Variants in TAF1 observed in about 807,000 individuals in gnomAD.
TAF1 encodes transcription initiation factor TFIID subunit 1.
In TAF1, 2 loss-of-function variants were observed where a neutral mutation model predicts 138.5. The observed-to-expected ratio is 0.01, with a 90% CI of 0.01 to 0.05. The LOEUF (loss-of-function observed/expected upper bound fraction) is 0.05. TAF1 is among the 10% of genes least tolerant of loss of function. The pLI is 1.00. For missense variants in TAF1, 709 were observed against 1,478.0 expected (o/e 0.48, Z 8.53); for synonymous variants, 437 against 503.2 (o/e 0.87, Z 1.76).
chrX:71,478,311 G>A (rs1295334422), intron 13 of TAF1, among the ~76,000 whole-genome samples: 1 of 110,427 alleles, frequency 9.1e-6, no homozygotes, highest in Non-Finnish European at 1.9e-5. Flanking sequence ...CCAAGATCAC[G>A]CCACTGCACT....
At chrX:71,375,336 A>C (rs1475644553) in intron 4 of TAF1, 50 bp downstream of exon 4, 1 of 1,182,516 alleles carries the variant, frequency 8.5e-7, no homozygotes, top group Admixed American at 2.4e-5. Context: ...TTCATTCCTA[A>C]GTCCAGGCTT....
intron 28 of TAF1, among the ~76,000 whole-genome samples, chrX:71,410,400 A>G (rs1179895844): frequency 1.9e-5 from 2 of 103,829 alleles, no homozygotes; most frequent in African/African-American, 6.9e-5. Flanking sequence ...CACATGTACT[A>G]AAAAAAAAAA....
intron 32 of TAF1, among the ~76,000 whole-genome samples, chrX:71,450,511 A>G (rs1478746642): frequency 8.9e-6 from 1 of 112,288 alleles, no homozygotes; most frequent in Non-Finnish European, 1.9e-5. Context: ...CCTGTGGTAT[A>G]TTTTTTATCC....
intron 13 of TAF1, among the ~76,000 whole-genome samples, chrX:71,482,370 T>C (rs771802032): frequency 1.8e-5 from 2 of 112,192 alleles, no homozygotes; most frequent in African/African-American, 6.5e-5. Context: ...ATATGGGTTA[T>C]TTTGGCAAAT....
chrX:71,385,882 C>T (rs766952201), intron 14 of TAF1, among the ~76,000 whole-genome samples: 8 of 111,555 alleles, frequency 7.2e-5, no homozygotes, highest in South Asian at 3.7e-4. Context: ...TTTTTCTGGC[C>T]GAGCGTGGTG....
chrX:71,441,359 A>G (rs1227414422), intron 32 of TAF1, among the ~76,000 whole-genome samples: 1 of 111,555 alleles, frequency 9.0e-6, no homozygotes, highest in Non-Finnish European at 1.9e-5. Flanking sequence ...GAAAAACAGC[A>G]TAAGAAATTT....
intron 13 of TAF1, among the ~76,000 whole-genome samples, chrX:71,500,806 T>C (rs1019399442): frequency 9.1e-6 from 1 of 110,392 alleles, no homozygotes; most frequent in African/African-American, 3.3e-5. Flanking sequence ...CTCATGCCTC[T>C]AATCCCAGCA....
At chrX:71,409,365 C>T (rs28382194) in intron 28 of TAF1, among the ~76,000 whole-genome samples, 193 of 110,567 alleles carry the variant, frequency 1.7e-3, no homozygotes, top group African/African-American at 6.0e-3. Flanking sequence ...TGAGCTCAAC[C>T]GATCTTGCCC....
At chrX:71,474,153 AAAG>A (rs1277278619) in intron 13 of TAF1, among the ~76,000 whole-genome samples, 3 of 108,111 alleles carry the variant, frequency 2.8e-5, no homozygotes, top group African/African-American at 1.1e-4. Flanking sequence ...AAAAAGAAAG[AAAG>A]AGAGAGAGAG....
intron 13 of TAF1, among the ~76,000 whole-genome samples, chrX:71,483,803 T>TACAC (rs1556022716): frequency 5.4e-5 from 5 of 92,894 alleles, no homozygotes; most frequent in African/African-American, 8.6e-5. Context: ...TATATATATA[T>TACAC]ACACACACAT....
chrX:71,389,532 G>C (rs942240252), intron 17 of TAF1, 53 bp from the exon 18 acceptor site: 11 of 1,063,579 alleles, frequency 1.0e-5, no homozygotes, highest in Non-Finnish European at 1.4e-5. Flanking sequence ...AAAAAAACTT[G>C]TGCTTTGTGT....
intron 32 of TAF1, among the ~76,000 whole-genome samples, 172 bp from the exon 33 acceptor site, chrX:71,453,998 T>C (rs774280155): frequency 8.9e-6 from 1 of 112,118 alleles, no homozygotes; most frequent in Non-Finnish European, 1.9e-5. Flanking sequence ...ATGTTAGTGT[T>C]GTATTGCATA....
intron 13 of TAF1, among the ~76,000 whole-genome samples, chrX:71,483,740 A>ATCTCTCTCTC (rs1167670247): frequency 1.8e-4 from 11 of 62,385 alleles, no homozygotes; most frequent in African/African-American, 7.5e-4. Flanking sequence ...TATTGTGAAC[A>ATCTCTCTCTC]TCTCTCTCTC....
chrX:71,405,464 C>T (rs959043326), intron 25 of TAF1, among the ~76,000 whole-genome samples: 1 of 111,682 alleles, frequency 9.0e-6, no homozygotes, highest in Non-Finnish European at 1.9e-5. Context: ...GATTCTCCTG[C>T]CTTAGCCTCC....
chrX:71,479,193 G>GT (rs1397519891), intron 13 of TAF1, among the ~76,000 whole-genome samples: 2 of 112,526 alleles, frequency 1.8e-5, no homozygotes, highest in African/African-American at 3.2e-5. Context: ...CGAACATAAT[G>GT]TGGAAGGAAA....
chrX:71,490,444 T>G (rs2039253236), intron 13 of TAF1, among the ~76,000 whole-genome samples: 1 of 111,791 alleles, frequency 8.9e-6, no homozygotes, highest in African/African-American at 3.2e-5. Flanking sequence ...TTTTTTTTTT[T>G]GAGACGGAGT....
intron 32 of TAF1, among the ~76,000 whole-genome samples, chrX:71,452,095 C>T (rs1217678635): frequency 1.0e-5 from 1 of 99,105 alleles, no homozygotes; most frequent in African/African-American, 3.9e-5. Context: ...GGCGGCTGGC[C>T]GGGCGGGGGG....
intron 13 of TAF1, among the ~76,000 whole-genome samples, chrX:71,519,896 C>T (rs909856182): frequency 9.1e-6 from 1 of 109,714 alleles, no homozygotes; most frequent in African/African-American, 3.3e-5. Context: ...GCCTCTACCT[C>T]CTGCGCTCAA....
chrX:71,504,448 A>T (rs2039579357), intron 13 of TAF1, among the ~76,000 whole-genome samples: 1 of 110,167 alleles, frequency 9.1e-6, no homozygotes, highest in Non-Finnish European at 1.9e-5. Context: ...TGCCTCTGAT[A>T]GAAAAGAAAA....
Sources: gnomAD v4.1 joint callset for allele counts (sites outside exome capture counted in the v4.1 genomes callset) on GRCh38, gnomAD v4.1.1 for gene constraint, MANE v1.5 for transcripts, NCBI Gene and HGNC (gene_info 2026-07-23, HGNC 2026-07-21) for gene names.